CCR5AS: variants seen among roughly 807,000 people sequenced by gnomAD.
CCR5AS encodes the protein CCR5 antisense RNA.
At chr3:46,380,441 A>C (rs1701805605) in intron 2 of CCR5AS, among the ~76,000 whole-genome samples, 1 of 152,270 alleles carries the variant, frequency 6.6e-6, no homozygotes. Context: ...ATACTCAGTT[A>C]CATTATCACC....
chr3:46,394,572 A>T (rs1701944273), intron 1 of CCR5AS, among the ~76,000 whole-genome samples: 2 of 151,992 alleles, frequency 1.3e-5, no homozygotes, highest in Admixed American at 6.6e-5. Flanking sequence ...GCGCGTGCAC[A>T]CCTGGAGAAC....
intron 1 of CCR5AS, among the ~76,000 whole-genome samples, chr3:46,400,658 C>T (rs953478446): frequency 1.3e-5 from 2 of 152,216 alleles, no homozygotes; most frequent in Admixed American, 6.6e-5. Flanking sequence ...AGTTAATGAG[C>T]TGAGACTTGG....
chr3:46,364,534 G>A (rs1701582429), exon 4 of CCR5AS, among the ~76,000 whole-genome samples: 3 of 152,102 alleles, frequency 2.0e-5, no homozygotes, highest in African/African-American at 7.2e-5. Context: ...TATTCATGTT[G>A]TTTTCATCCC....
intron 2 of CCR5AS, among the ~76,000 whole-genome samples, chr3:46,377,094 C>G (rs999412680): frequency 6.6e-6 from 1 of 152,184 alleles, no homozygotes; most frequent in African/African-American, 2.4e-5. Context: ...AGGAGGAAGG[C>G]AGTGCGGCAG....
At chr3:46,387,872 G>T (rs756950033) in intron 2 of CCR5AS, among the ~76,000 whole-genome samples, 1 of 152,132 alleles carries the variant, frequency 6.6e-6, no homozygotes, top group African/African-American at 2.4e-5. Context: ...GTCCTCTTGC[G>T]GGTACAGGCG....
intron 1 of CCR5AS, among the ~76,000 whole-genome samples, chr3:46,399,299 C>G (rs1178619087): frequency 6.6e-6 from 1 of 152,158 alleles, no homozygotes; most frequent in East Asian, 1.9e-4. Flanking sequence ...TTAGCTGCCC[C>G]AGCAGCTGAT....
intron 2 of CCR5AS, among the ~76,000 whole-genome samples, chr3:46,372,222 T>C (rs1326437698): frequency 6.6e-6 from 1 of 152,110 alleles, no homozygotes; most frequent in Non-Finnish European, 1.5e-5. Flanking sequence ...AACTCTAGCG[T>C]CAATAAAAAT....
chr3:46,396,543 A>G (rs1213111873), intron 1 of CCR5AS, among the ~76,000 whole-genome samples: 2 of 152,148 alleles, frequency 1.3e-5, no homozygotes, highest in Non-Finnish European at 2.9e-5. Flanking sequence ...GCATCTCTCC[A>G]TGCTCCCACT....
intron 3 of CCR5AS, among the ~76,000 whole-genome samples, chr3:46,366,784 A>G (rs1701603824): frequency 6.6e-6 from 1 of 152,206 alleles, no homozygotes; most frequent in Admixed American, 6.5e-5. Context: ...GTTGAGGCAC[A>G]TGGGTAACAA....
chr3:46,388,348 A>G (rs918481684), intron 2 of CCR5AS, among the ~76,000 whole-genome samples: 2 of 152,164 alleles, frequency 1.3e-5, no homozygotes, highest in Non-Finnish European at 2.9e-5. Context: ...AGAAAGAGCA[A>G]TTCTCATATA....
intron 1 of CCR5AS, among the ~76,000 whole-genome samples, chr3:46,397,821 T>C (rs1701973686): frequency 6.6e-6 from 1 of 152,176 alleles, no homozygotes; most frequent in African/African-American, 2.4e-5. Flanking sequence ...ACTAAATATC[T>C]ATGAGATGAA....
intron 2 of CCR5AS, chr3:46,374,836 C>A (rs1017021468): frequency 1.2e-5 from 2 of 167,248 alleles, no homozygotes; most frequent in Non-Finnish European, 2.9e-5. Context: ...CCACCAACAG[C>A]CCTCAGGTCA....
chr3:46,392,383 G>A (rs1701921076), intron 2 of CCR5AS, among the ~76,000 whole-genome samples: 1 of 152,200 alleles, frequency 6.6e-6, no homozygotes, highest in Non-Finnish European at 1.5e-5. Context: ...TAAGAACACA[G>A]GCTAAGGGAG....
At chr3:46,372,536 C>T (rs1701677279) in intron 2 of CCR5AS, 1 of 170,336 alleles carries the variant, frequency 5.9e-6, no homozygotes, top group Non-Finnish European at 1.2e-5. Context: ...CTCACAACAA[C>T]AACAACAACA....
intron 3 of CCR5AS, among the ~76,000 whole-genome samples, chr3:46,366,724 A>C (rs1701602968): frequency 6.6e-6 from 1 of 152,202 alleles, no homozygotes; most frequent in Non-Finnish European, 1.5e-5. Flanking sequence ...TCTGAGGCAG[A>C]AGGTAAAGAG....
At chr3:46,406,269 A>C (rs1702045919) in intron 1 of CCR5AS, among the ~76,000 whole-genome samples, 1 of 152,124 alleles carries the variant, frequency 6.6e-6, no homozygotes, top group South Asian at 2.1e-4. Context: ...GATGTCATTT[A>C]ATCAATATAT....
chr3:46,379,356 A>G, intron 2 of CCR5AS, among the ~76,000 whole-genome samples: 1 of 152,112 alleles, frequency 6.6e-6, no homozygotes, highest in African/African-American at 2.4e-5. Context: ...TGAACATAGC[A>G]AAGACTTGGA....
At chr3:46,376,731 T>A (rs1701763245) in intron 2 of CCR5AS, among the ~76,000 whole-genome samples, 1 of 152,210 alleles carries the variant, frequency 6.6e-6, no homozygotes. Context: ...CATTTGGATT[T>A]ATGTGCACGA....
intron 1 of CCR5AS, among the ~76,000 whole-genome samples, chr3:46,395,991 G>C (rs548849213): frequency 6.6e-6 from 1 of 152,178 alleles, no homozygotes; most frequent in Non-Finnish European, 1.5e-5. Flanking sequence ...TGGAGACTCT[G>C]GGACTGTCCT....
Sources: allele counts gnomAD v4.1 joint callset (sites outside exome capture counted in the v4.1 genomes callset), GRCh38; gene constraint gnomAD v4.1.1; transcripts MANE v1.5; gene names NCBI Gene and HGNC (gene_info 2026-07-23, HGNC 2026-07-21).